The following GRID2 variants were observed in gnomAD, a reference collection of about 807,000 sequenced individuals.
GRID2 encodes glutamate ionotropic receptor delta type subunit 2.
GRID2 carries 33 observed loss-of-function variants against 114.8 expected under a neutral mutation model. The observed-to-expected ratio is 0.29, with a 90% confidence interval of 0.22 to 0.38. The LOEUF is 0.38. Ranked by LOEUF, GRID2 falls within the 10% of genes least tolerant of loss-of-function variation. The pLI is 1.00. For synonymous variants in GRID2, 505 were observed against 449.9 expected (o/e 1.12, Z -1.55); for missense variants, 1,184 against 1,257.7 (o/e 0.94, Z 0.89).
intron 3 of GRID2, among the ~76,000 whole-genome samples, chr4:93,093,591 G>T (rs1730958585): frequency 6.6e-6 from 1 of 151,986 alleles, no homozygotes; most frequent in Non-Finnish European, 1.5e-5. Context: ...AGTATATTAA[G>T]TTGGTATAAA....
intron 8 of GRID2, among the ~76,000 whole-genome samples, chr4:93,247,471 C>A (rs1167291175): frequency 6.6e-6 from 1 of 152,070 alleles, no homozygotes; most frequent in African/African-American, 2.4e-5. Context: ...AATTCATGTT[C>A]TCTTGCGCTC....
intron 2 of GRID2, among the ~76,000 whole-genome samples, chr4:92,985,992 A>T (rs1334464787): frequency 2.0e-5 from 3 of 152,218 alleles, no homozygotes; most frequent in African/African-American, 7.2e-5. Context: ...CATATAACTT[A>T]TGAGCAGTTT....
chr4:92,434,426 T>C (rs75213906), intron 1 of GRID2, among the ~76,000 whole-genome samples: 4 of 152,324 alleles, frequency 2.6e-5, no homozygotes, highest in Middle Eastern at 3.4e-3. Context: ...AACCTAACAA[T>C]GCATTCGGAA....
At chr4:92,453,484 A>G (rs1214571951) in intron 1 of GRID2, among the ~76,000 whole-genome samples, 1 of 152,226 alleles carries the variant, frequency 6.6e-6, no homozygotes, top group East Asian at 1.9e-4. Flanking sequence ...ATGCATACAT[A>G]AGTATCAAAA....
At chr4:92,541,876 AT>A (rs529343558) in intron 1 of GRID2, among the ~76,000 whole-genome samples, 1 of 152,160 alleles carries the variant, frequency 6.6e-6, no homozygotes, top group African/African-American at 2.4e-5. Flanking sequence ...AAATATTGTG[AT>A]TTTTTTTAAA....
intron 11 of GRID2, among the ~76,000 whole-genome samples, chr4:93,458,992 C>T (rs1723467467): frequency 6.6e-6 from 1 of 151,554 alleles, no homozygotes; most frequent in African/African-American, 2.4e-5. Flanking sequence ...CCAGCCCGGC[C>T]AACATGGTGA....
chr4:93,154,737 C>T, intron 4 of GRID2, among the ~76,000 whole-genome samples: 1 of 150,890 alleles, frequency 6.6e-6, no homozygotes, highest in Admixed American at 6.6e-5. Flanking sequence ...GTATTCGTGG[C>T]AAAAAAACAA....
At chr4:92,439,807 T>G (rs868846156) in intron 1 of GRID2, among the ~76,000 whole-genome samples, 1 of 146,048 alleles carries the variant, frequency 6.8e-6, no homozygotes, top group East Asian at 2.0e-4. Flanking sequence ...GATTATTTAT[T>G]TACTTCAAGA....
At chr4:92,760,665 C>T (rs539805957) in intron 2 of GRID2, among the ~76,000 whole-genome samples, 1 of 152,306 alleles carries the variant, frequency 6.6e-6, no homozygotes, top group East Asian at 1.9e-4. Flanking sequence ...TGATAAATCT[C>T]CTGCATTCAC....
At chr4:93,557,159 G>A (rs111382278) in intron 13 of GRID2, among the ~76,000 whole-genome samples, 2 of 152,188 alleles carry the variant, frequency 1.3e-5, no homozygotes, top group African/African-American at 4.8e-5. Flanking sequence ...AAAGACCATC[G>A]ACACTATGAA....
At chr4:93,056,654 A>C (rs921274155) in intron 2 of GRID2, among the ~76,000 whole-genome samples, 1 of 151,948 alleles carries the variant, frequency 6.6e-6, no homozygotes, top group Admixed American at 6.6e-5. Context: ...ATTGTTCATT[A>C]ATAAGAGTAT....
At chr4:92,889,941 G>A (rs1414023848) in intron 2 of GRID2, among the ~76,000 whole-genome samples, 1 of 152,106 alleles carries the variant, frequency 6.6e-6, no homozygotes, top group African/African-American at 2.4e-5. Flanking sequence ...GAACAGAACA[G>A]AGGCCTCAGA....
intron 2 of GRID2, among the ~76,000 whole-genome samples, chr4:92,719,991 A>G (rs1391624538): frequency 6.6e-6 from 1 of 152,094 alleles, no homozygotes; most frequent in Non-Finnish European, 1.5e-5. Context: ...TCTTAGCTAT[A>G]AAAAATGGCA....
At chr4:93,404,230 A>C (rs1766190319) in intron 9 of GRID2, among the ~76,000 whole-genome samples, 1 of 152,106 alleles carries the variant, frequency 6.6e-6, no homozygotes, top group Admixed American at 6.6e-5. Context: ...GGTCTGGGAA[A>C]GTTTTGGAGA....
intron 1 of GRID2, among the ~76,000 whole-genome samples, chr4:92,439,821 A>G (rs1278723721): frequency 1.4e-5 from 2 of 144,492 alleles, no homozygotes; most frequent in Admixed American, 1.4e-4. Context: ...TTCAAGAGTT[A>G]AGAGTGGCAG....
In GRID2 at chr4:93,085,381, G is replaced by T. The variant is rs1578945691; in HGVS notation, c.529+102G>T. 1.3e-5 allele frequency: 12 copies of T among 907,248 alleles called. No homozygotes were observed. In the East Asian group the frequency reaches 2.4e-4, roughly 18 times the overall value. 56.2% of individuals were successfully genotyped at this position (907,248 alleles called of 1,614,324 possible). On this transcript the variant is annotated intron_variant, in intron 3 of 15. Coordinates refer to ENST00000282020, the MANE Select transcript of GRID2 (RefSeq NM_001510.4). ...TCAAGGGTCTTACTCATTGTTATTT[G>T]TGGTTTTCTTGTCTTGTCATATTTT...
At chr4:93,497,742 G>A (rs1013393889) in intron 12 of GRID2, among the ~76,000 whole-genome samples, 1 of 151,718 alleles carries the variant, frequency 6.6e-6, no homozygotes, top group African/African-American at 2.4e-5. Context: ...CGGTAACACA[G>A]TTTTGATTAC....
chr4:92,847,916 T>G (rs1157869336), intron 2 of GRID2, among the ~76,000 whole-genome samples: 1 of 152,050 alleles, frequency 6.6e-6, no homozygotes, highest in African/African-American at 2.4e-5. Context: ...TGTGCATTTG[T>G]GCATTCAGTG....
chr4:93,421,442 G>A (rs1278247162), intron 9 of GRID2, among the ~76,000 whole-genome samples: 1 of 152,068 alleles, frequency 6.6e-6, no homozygotes, highest in Non-Finnish European at 1.5e-5. Flanking sequence ...CATATAAACA[G>A]TGAAACTAAA....
Sources: gnomAD v4.1 joint callset for allele counts (sites outside exome capture counted in the v4.1 genomes callset) on GRCh38, gnomAD v4.1.1 for gene constraint, MANE v1.5 for transcripts, NCBI Gene and HGNC (gene_info 2026-07-23, HGNC 2026-07-21) for gene names.